RBFOX1: variants seen among roughly 807,000 people sequenced by gnomAD.
RBFOX1 encodes RNA binding protein fox-1 homolog 1.
In RBFOX1, 8 loss-of-function variants were observed where a neutral mutation model predicts 57.7. That is an observed-to-expected ratio of 0.14 (90% CI 0.08 to 0.25). The LOEUF (loss-of-function observed/expected upper bound fraction) is 0.25. Ranked by LOEUF, RBFOX1 falls within the 10% of genes least tolerant of loss-of-function variation. The pLI is 1.00. For missense variants in RBFOX1, 611 were observed against 548.5 expected, an observed-to-expected ratio of 1.11 and a Z score of -1.14; for synonymous variants, 326 against 222.4, an observed-to-expected ratio of 1.47 and a Z score of -4.15.
intron 3 of RBFOX1, among the ~76,000 whole-genome samples, chr16:6,725,933 C>T (rs1023659428): frequency 6.6e-6 from 1 of 152,112 alleles, no homozygotes; most frequent in Non-Finnish European, 1.5e-5. Context: ...TGATGATAAA[C>T]ACTTGAGGGA....
chr16:5,330,983 GT>G (rs36011859), intron 1 of RBFOX1, among the ~76,000 whole-genome samples: 132,452 of 151,998 alleles, frequency 0.87, 60,695 homozygotes, highest in East Asian at 1. Flanking sequence ...CTCTCTGGTG[GT>G]TTTTTTCCAA....
chr16:6,994,281 C>A (rs575317146), intron 3 of RBFOX1, among the ~76,000 whole-genome samples: 1 of 152,180 alleles, frequency 6.6e-6, no homozygotes, highest in African/African-American at 2.4e-5. Context: ...TGCCTTCCGA[C>A]TTAATGAAGC....
chr16:6,193,747 A>G (rs1023485046), intron 1 of RBFOX1, among the ~76,000 whole-genome samples: 3 of 151,748 alleles, frequency 2.0e-5, no homozygotes, highest in African/African-American at 7.3e-5. Flanking sequence ...TTCTTTGGGT[A>G]TTTTGGGTCT....
At chr16:7,710,458 G>A (rs2083828793) in intron 15 of RBFOX1, 165 bp from the exon 16 acceptor site, 1 of 1,473,914 alleles carries the variant, frequency 6.8e-7, no homozygotes, top group Non-Finnish European at 8.9e-7. Flanking sequence ...GGGAAGGTCA[G>A]GAATGGCCCT....
chr16:6,422,293 C>T (rs1056323384), intron 2 of RBFOX1, among the ~76,000 whole-genome samples: 1 of 150,832 alleles, frequency 6.6e-6, no homozygotes, highest in Non-Finnish European at 1.5e-5. Context: ...AGGTTTGTTA[C>T]ATGGGTGTAC....
At chr16:6,466,556 G>T (rs2095054682) in intron 2 of RBFOX1, among the ~76,000 whole-genome samples, 1 of 152,050 alleles carries the variant, frequency 6.6e-6, no homozygotes, top group African/African-American at 2.4e-5. Context: ...ATGCTTGCTG[G>T]GTTAAGACCA....
chr16:6,399,479 A>G (rs1357514027), intron 2 of RBFOX1, among the ~76,000 whole-genome samples: 1 of 152,198 alleles, frequency 6.6e-6, no homozygotes, highest in East Asian at 1.9e-4. Context: ...GCTTTGCTCC[A>G]GTTCCCAAGA....
chr16:7,383,741 C>A (rs973002184), intron 4 of RBFOX1, among the ~76,000 whole-genome samples: 1 of 152,126 alleles, frequency 6.6e-6, no homozygotes, highest in Admixed American at 6.5e-5. Flanking sequence ...ATCCAAGTTA[C>A]ATCATACAAA....
chr16:5,381,962 G>A (rs2066141444), intron 1 of RBFOX1, among the ~76,000 whole-genome samples: 1 of 152,164 alleles, frequency 6.6e-6, no homozygotes, highest in Non-Finnish European at 1.5e-5. Flanking sequence ...GAGCTTTTGT[G>A]GCATTCCTGT....
intron 2 of RBFOX1, among the ~76,000 whole-genome samples, chr16:5,574,920 T>C (rs907977150): frequency 1.3e-5 from 2 of 152,182 alleles, no homozygotes; most frequent in Non-Finnish European, 2.9e-5. Context: ...TGCTGTGAGT[T>C]GAGCTTTTCA....
intron 4 of RBFOX1, among the ~76,000 whole-genome samples, chr16:7,369,627 T>C (rs1024997132): frequency 2.6e-5 from 4 of 152,172 alleles, no homozygotes; most frequent in Admixed American, 6.5e-5. Context: ...CTGGAGTCAA[T>C]TGGATTCTAA....
intron 14 of RBFOX1, among the ~76,000 whole-genome samples, chr16:7,691,315 T>C (rs1391347952): frequency 6.8e-6 from 1 of 147,664 alleles, no homozygotes; most frequent in African/African-American, 2.5e-5. Context: ...AACTTAGGGA[T>C]CAAGAAGAGA....
rs1169954657 is a variant in RBFOX1, at chr16:5,454,958, CCTTTCTTTCTTTCTTTCTTT to C, written c.220-12211_220-12192del. Among the ~76,000 whole-genome samples the C allele has an allele frequency of 3.1e-3, 93 of 30,406 alleles. 2 individuals carry two copies. The highest frequency in any genetic ancestry group is 0.014 in the Middle Eastern group (1 of 74). 19.9% of individuals were successfully genotyped at this position (30,406 alleles called of 152,430 possible). A position where few individuals can be genotyped will look rare whatever the true frequency, so the allele number is the denominator to read the frequency against. On this transcript the variant is annotated intron_variant, in intron 1 of 2. Transcript: ENST00000585867. ...TCCTTCCTTCCTTCCTTCCTTCCTT[CCTTTCTTTCTTTCTTTCTTT>C]CTTTCTTTCTTTCTTTCTTTCTTTC... is the stretch of plus-strand genomic sequence containing the variant.
intron 4 of RBFOX1, among the ~76,000 whole-genome samples, chr16:7,057,287 C>G (rs1427087282): frequency 1.3e-5 from 2 of 152,292 alleles, no homozygotes; most frequent in African/African-American, 2.4e-5. Context: ...ACAATAGAGA[C>G]AGATTCCAGC....
At chr16:6,052,804 T>TATAATAATAATAATAATAATAATA (rs200513769) in intron 1 of RBFOX1, among the ~76,000 whole-genome samples, 8 of 144,222 alleles carry the variant, frequency 5.5e-5, no homozygotes, top group South Asian at 2.2e-4. Flanking sequence ...TAAAATAAAA[T>TATAATAATAATAATAATAATAATA]ATAATAATAA....
chr16:7,129,865 G>A (rs1361998171), intron 4 of RBFOX1, among the ~76,000 whole-genome samples: 2 of 151,764 alleles, frequency 1.3e-5, no homozygotes, highest in Non-Finnish European at 2.9e-5. Flanking sequence ...TGCATGGATA[G>A]ATGGTGGATG....
intron 1 of RBFOX1, among the ~76,000 whole-genome samples, chr16:6,042,967 C>T (rs1567319570): frequency 6.6e-6 from 1 of 151,218 alleles, no homozygotes; most frequent in African/African-American, 2.4e-5. Flanking sequence ...AAATAAAATG[C>T]TTAGCCAGGC....
intron 3 of RBFOX1, among the ~76,000 whole-genome samples, chr16:5,652,932 A>G (rs72765129): frequency 0.034 from 5,147 of 152,196 alleles, 144 homozygotes; most frequent in Middle Eastern, 0.044. Flanking sequence ...TTCCTTTCTC[A>G]TATCAGGGGT....
At chr16:6,632,189 G>A (rs898914306) in intron 2 of RBFOX1, among the ~76,000 whole-genome samples, 1 of 152,104 alleles carries the variant, frequency 6.6e-6, no homozygotes, top group Non-Finnish European at 1.5e-5. Context: ...ACACTTAACT[G>A]CATCGGGTTT....
Sources: allele counts gnomAD v4.1 joint callset (sites outside exome capture counted in the v4.1 genomes callset), GRCh38; gene constraint gnomAD v4.1.1; transcripts MANE v1.5; gene names NCBI Gene and HGNC (gene_info 2026-07-23, HGNC 2026-07-21).